RNH1: variants seen among roughly 807,000 people sequenced by gnomAD.
The protein encoded by RNH1 is ribonuclease/angiogenin inhibitor 1.
A neutral mutation model predicts 46.1 loss-of-function variants in RNH1; 38 were observed. That is an observed-to-expected ratio of 0.82 (90% CI 0.64 to 1.08). The LOEUF is 1.08. Ranked by LOEUF, RNH1 falls within the 50% of genes least tolerant of loss-of-function variation. RNH1 has a pLI of 0.00. For synonymous variants in RNH1, 319 were observed against 279.1 expected (o/e 1.14, Z -1.43); for missense variants, 577 against 590.7 (o/e 0.98, Z 0.24).
chr11:494,946 T>A lies in RNH1; in HGVS notation c.1235A>T (p.Asp412Val). The change falls in exon 10 of 11, where the codon GAC becomes GTC. Residue 412 changes from aspartate to valine, a missense_variant. Transcript: ENST00000354420. ...CTCCACCAGCTGCAGGATGCCGGCG[T>A]CCCCCAGGCAGTTGTTGCTGAGGTC... ...ELDLSNNCLG[D>V]AGILQLVESV... is the part of the protein sequence containing the mutation. 1 of 1,607,890 alleles carries A rather than the reference T, an allele frequency of 6.2e-7. No individual in the cohort carries two copies. Among genetic ancestry groups the A allele is most frequent in the Non-Finnish European group, 8.5e-7 (1 of 1,177,638 alleles).
In RNH1 at chr11:500,611, T is replaced by C; in HGVS notation, c.145A>G (p.Ser49Gly). 1 of 1,609,364 alleles carries C rather than the reference T, an allele frequency of 6.2e-7. No individual in the cohort carries two copies. The highest frequency in any genetic ancestry group is 1.1e-5 in the South Asian group (1 of 91,082). The stretch of plus-strand genomic sequence containing the variant: ...GCAGGGTTGACTCGAAGTGCAGAGC[T>C]GATGTCCTTGCACCGTGCTTCCGTG... ...GLTEARCKDI[S>G]SALRVNPALA... The change falls in exon 4 of 11, where the codon AGC (serine) becomes GGC (glycine). Residue 49 changes from serine to glycine, a missense_variant. Physicochemically the swap from Ser to Gly is moderately conservative, Grantham distance 56. Transcript: ENST00000354420.
At chr11:497,656 CAT>C (rs1849280030) in intron 9 of RNH1, among the ~76,000 whole-genome samples, 1 of 150,684 alleles carries the variant, frequency 6.6e-6, no homozygotes, top group South Asian at 2.1e-4. Context: ...TGCTCTCACC[CAT>C]GTGCTCACAC....
In RNH1 at chr11:495,441, G is replaced by A. The variant is rs189751283; in HGVS notation, c.1128-388C>T. ...CTGTGGGGAAACGAGGGTATGGAGGGTACCAAGACAAGAACAGAGTGGACA... is the reference window on the plus strand; with the variant it reads ...CTGTGGGGAAACGAGGGTATGGAGGATACCAAGACAAGAACAGAGTGGACA... On this transcript the variant is annotated intron_variant, in intron 9 of 10. Coordinates refer to ENST00000354420, the MANE Select transcript of RNH1 (RefSeq NM_203387.3). Among the ~76,000 whole-genome samples, 175 of 152,312 alleles carry A rather than the reference G, an allele frequency of 1.1e-3. 1 individual carries two copies. The South Asian group carries it at 0.012, about 10-fold the overall frequency.
chr11:495,450 C>A (rs565466660), intron 9 of RNH1, among the ~76,000 whole-genome samples: 1 of 152,298 alleles, frequency 6.6e-6, no homozygotes, highest in East Asian at 1.9e-4. Context: ...GGTACCAAGA[C>A]AAGAACAGAG....
In RNH1 at chr11:498,886, C is replaced by T. The variant is rs781752966; in HGVS notation, c.662G>A (p.Gly221Asp). The T allele has an allele frequency of 3.1e-6, 5 of 1,612,438 alleles. No individual in the cohort carries two copies. Among genetic ancestry groups the T allele is most frequent in the Non-Finnish European group, 4.2e-6 (5 of 1,179,870 alleles). Residue 221 changes from glycine (G) to aspartate (D), a missense_variant, in exon 7 of 11, where the codon GGC becomes GAC. Gly to Asp is a moderately conservative substitution (Grantham distance 94). Coordinates refer to ENST00000354420, the MANE Select transcript of RNH1 (RefSeq NM_203387.3). ...VTSDNCRDLCGIVASKASLRE... is the reference protein window; with the variant it reads ...VTSDNCRDLCDIVASKASLRE... ...CAGCGAGGCCTTGGAGGCCACAATGCCGCACAGGTCCCGGCAGTTGTCTGA... is the reference window on the plus strand; with the variant it reads ...CAGCGAGGCCTTGGAGGCCACAATGTCGCACAGGTCCCGGCAGTTGTCTGA...
chr11:497,006 G>A (rs560008718), intron 9 of RNH1, among the ~76,000 whole-genome samples: 2 of 152,344 alleles, frequency 1.3e-5, no homozygotes, highest in East Asian at 1.9e-4. Context: ...GAGTGGTGCC[G>A]CCAGCCCGCC....
rs376073004 is a variant in RNH1 at position 494,702 on chromosome 11, C to T, written c.1375G>A (p.Val459Ile). ...CAGCAGGAAGAGCCTCAGGAGATGA[C>T]CCTCAGGGATGGCTTGTCCTTCTCC... ...ALEKDKPSLR[V>I]IS Residue 459 changes from valine to isoleucine, a missense_variant, in exon 11 of 11, where the codon GTC (valine) becomes ATC (isoleucine). By Grantham distance (29) the Val-to-Ile change is conservative (BLOSUM62 3). Transcript: ENST00000354420. The T allele has an allele frequency of 2.5e-6, 4 of 1,613,772 alleles. No individual in the cohort carries two copies. Among genetic ancestry groups the T allele is most frequent in the Non-Finnish European group, 3.4e-6 (4 of 1,179,888 alleles).
intron 5 of RNH1, chr11:499,439 C>G (rs1849516661): frequency 2.9e-6 from 2 of 680,216 alleles, no homozygotes; most frequent in Admixed American, 2.0e-5. Context: ...GAGAAAGAAA[C>G]CAGCCTCTGG....
rs7931397 is a variant in RNH1, at chr11:504,172, A to G, written c.-88+652T>C. On this transcript the variant is annotated intron_variant, in intron 2 of 10. Coordinates refer to ENST00000354420, the MANE Select transcript of RNH1 (RefSeq NM_203387.3). The stretch of plus-strand genomic sequence containing the variant: ...CATGGGAGGGGCCGTCTGGAGGCCA[A>G]TTCAGGTCCTTATGTTCCGACGTGA... 4.9e-3 allele frequency among the ~76,000 whole-genome samples: 748 copies of G among 152,248 alleles called. 9 individuals carry two copies. The highest frequency in any genetic ancestry group is 0.017 in the African/African-American group (711 of 41,548).
chr11:497,898 A>G (rs1849322954), intron 9 of RNH1, 73 bp downstream of exon 9: 3 of 1,521,724 alleles, frequency 2.0e-6, no homozygotes. Flanking sequence ...ATACTCGTGC[A>G]CTCTCGCCCT....
At chr11:498,652 CTT>C in intron 7 of RNH1, 25 bp from the exon 8 acceptor site, 1 of 1,610,072 alleles carries the variant, frequency 6.2e-7, no homozygotes, top group Non-Finnish European at 8.5e-7. Context: ...CCACCACAGA[CTT>C]TCCTCAGCAC....
chr11:498,499 C>T lies in RNH1; in HGVS notation c.914G>A (p.Cys305Tyr). ...ELGDEGARLL[C>Y]ETLLEPGCQL... Reference sequence around the variant, plus strand: ...GCAGCCAGGTTCCAGCAGGGTCTCACACAGCAGTCGGGCACCCTCATCCCC... The same window carrying T: ...GCAGCCAGGTTCCAGCAGGGTCTCATACAGCAGTCGGGCACCCTCATCCCC... Residue 305 changes from cysteine to tyrosine, a missense_variant, in exon 8 of 11, where the codon TGT (cysteine) becomes TAT (tyrosine). Cys to Tyr is a radical substitution (Grantham distance 194). Coordinates refer to ENST00000354420, the MANE Select transcript of RNH1 (RefSeq NM_203387.3). 6.2e-7 allele frequency: 1 copy of T among 1,613,380 alleles called. No individual in the cohort carries two copies. The highest frequency in any genetic ancestry group is 8.5e-7 in the Non-Finnish European group (1 of 1,180,024).
At chr11:497,186 C>G (rs1240691904) in intron 9 of RNH1, among the ~76,000 whole-genome samples, 10 of 144,516 alleles carry the variant, frequency 6.9e-5, no homozygotes, top group Non-Finnish European at 1.2e-4. Flanking sequence ...CACACGGACA[C>G]TCGTGCTCAC....
Position 499,725 on chromosome 11 carries a change from T to C in RNH1, c.443+104A>G, listed in dbSNP as rs1849563852. On this transcript the variant is annotated intron_variant, in intron 5 of 10. Transcript: ENST00000354420. ...AGAGCACCACAAGGCCCCTGTGACC[T>C]GAGTCCCCTCCTCACGGCTCCTGGC... is the stretch of plus-strand genomic sequence containing the variant. The C allele has an allele frequency of 1.1e-5, 15 of 1,418,596 alleles. No individual in the cohort carries two copies. In the South Asian group the frequency reaches 1.6e-4, roughly 15 times the overall value. The allele number at this position is 1,418,596 out of a possible 1,614,324, so 87.9% of individuals were successfully genotyped here.
chr11:497,177 A>ACACGGACACTCGTGCTCACT (rs1849173621), intron 9 of RNH1, among the ~76,000 whole-genome samples: 1 of 148,104 alleles, frequency 6.8e-6, no homozygotes, highest in African/African-American at 2.5e-5. Flanking sequence ...ATGTGCTCAC[A>ACACGGACACTCGTGCTCACT]CACGGACACT....
chr11:496,407 C>T (rs562900166), intron 9 of RNH1, among the ~76,000 whole-genome samples: 20 of 152,312 alleles, frequency 1.3e-4, no homozygotes, highest in South Asian at 1.2e-3. Context: ...TGGTGGCTCA[C>T]GCCTGTAATC....
chr11:500,386 C>G, intron 4 of RNH1, 98 bp downstream of exon 4: 3 of 1,393,464 alleles, frequency 2.2e-6, no homozygotes, highest in Non-Finnish European at 2.9e-6. Flanking sequence ...GCCTGTCCAC[C>G]TGCAGCTGCC....
intron 9 of RNH1, among the ~76,000 whole-genome samples, chr11:495,254 G>A (rs982058232): frequency 6.6e-6 from 1 of 152,236 alleles, no homozygotes. Flanking sequence ...ACAGACAAGC[G>A]AGGCACAAGC....
At chr11:494,832 T>G (rs964995966) in intron 10 of RNH1, 51 bp downstream of exon 10, 5 of 1,523,352 alleles carry the variant, frequency 3.3e-6, no homozygotes, top group Non-Finnish European at 4.5e-6. Flanking sequence ...CACCCCCGCC[T>G]TCCTCCCTGG....
Sources: allele counts gnomAD v4.1 joint callset (sites outside exome capture counted in the v4.1 genomes callset), GRCh38; gene constraint gnomAD v4.1.1; transcripts MANE v1.5; gene names NCBI Gene and HGNC (gene_info 2026-07-23, HGNC 2026-07-21).